The following PRDM16 variants were observed in gnomAD, a reference collection of about 807,000 sequenced individuals.
PRDM16 encodes the protein PR/SET domain 16, also known as histone-lysine N-methyltransferase PRDM16.
PRDM16 carries 23 observed loss-of-function variants against 110.6 expected under a neutral mutation model. That is an observed-to-expected ratio of 0.21 (90% CI 0.15 to 0.29). The LOEUF (loss-of-function observed/expected upper bound fraction) is 0.29, where lower values mean the gene tolerates loss of function less well. PRDM16 is among the 10% of genes least tolerant of loss of function. The pLI, the probability that PRDM16 is intolerant of heterozygous loss-of-function variation, is 1.00. For synonymous variants in PRDM16, 799 were observed against 781.8 expected (o/e 1.02, Z -0.37); for missense variants, 1,615 against 1,794.3 (o/e 0.90, Z 1.81).
chr1:3,158,992 G>A (rs1272259356), intron 1 of PRDM16, among the ~76,000 whole-genome samples: 1 of 152,116 alleles, frequency 6.6e-6, no homozygotes, highest in African/African-American at 2.4e-5. Flanking sequence ...GGCTGGTCTC[G>A]AACTCCTGAC....
intron 3 of PRDM16, among the ~76,000 whole-genome samples, chr1:3,315,554 C>T (rs764127418): frequency 1.4e-4 from 21 of 152,182 alleles, no homozygotes; most frequent in Non-Finnish European, 2.8e-4. Flanking sequence ...TGAGAGGAAA[C>T]ACTTGACAAG....
chr1:3,341,567 G>A (rs773727469), intron 3 of PRDM16, among the ~76,000 whole-genome samples: 17 of 152,214 alleles, frequency 1.1e-4, no homozygotes, highest in African/African-American at 2.2e-4. Flanking sequence ...ACACACACAC[G>A]CGTGCGCACA....
intron 1 of PRDM16, among the ~76,000 whole-genome samples, chr1:3,142,950 G>A (rs921843929): frequency 6.6e-6 from 1 of 152,232 alleles, no homozygotes; most frequent in African/African-American, 2.4e-5. Flanking sequence ...GGGCACCCAG[G>A]TGCGATGCTG....
intron 1 of PRDM16, among the ~76,000 whole-genome samples, chr1:3,121,732 C>T (rs771013026): frequency 1.6e-4 from 24 of 152,350 alleles, no homozygotes; most frequent in Non-Finnish European, 3.4e-4. Flanking sequence ...TGGGGGACAG[C>T]GGCCCTCCAC....
chr1:3,116,188 G>C (rs890219805), intron 1 of PRDM16, among the ~76,000 whole-genome samples: 3 of 152,178 alleles, frequency 2.0e-5, no homozygotes, highest in Non-Finnish European at 4.4e-5. Context: ...GTTCCTTACC[G>C]GGGAGAACAG....
intron 3 of PRDM16, among the ~76,000 whole-genome samples, chr1:3,329,837 C>A (rs1186683990): frequency 6.6e-6 from 1 of 152,250 alleles, no homozygotes; most frequent in African/African-American, 2.4e-5. Context: ...CTGTGTTCTC[C>A]GGCCTCCCAT....
At chr1:3,260,424 A>G (rs1640133273) in intron 3 of PRDM16, among the ~76,000 whole-genome samples, 1 of 152,200 alleles carries the variant, frequency 6.6e-6, no homozygotes, top group Non-Finnish European at 1.5e-5. Context: ...AAACTCCTTT[A>G]TCCTACTGAC....
Position 3,431,878 on chromosome 1 carries a change from G to A in PRDM16, c.3522-88G>A, listed in dbSNP as rs535886377. On this transcript the variant is annotated intron_variant, in intron 15 of 16. Transcript: ENST00000270722. ...GCAGAGATGCAGCGGCGTGCATGCAGGCCCGGAGCTGGGCTTGCAGCATCA... is the reference window on the plus strand; with the variant it reads ...GCAGAGATGCAGCGGCGTGCATGCAAGCCCGGAGCTGGGCTTGCAGCATCA... 3.6e-4 allele frequency: 487 copies of A among 1,362,206 alleles called. 7 individuals carry two copies. In the South Asian group the frequency reaches 5.8e-3, roughly 16 times the overall value. The allele number at this position is 1,362,206 out of a possible 1,614,324, so 84.4% of individuals were successfully genotyped here.
At position 3,186,060 on chromosome 1, in the gene PRDM16, C is replaced by T. The variant is rs926544554; in HGVS notation, c.38-65C>T. The stretch of plus-strand genomic sequence containing the variant: ...CATTGATGCCCGAGTCCCCGGCGCT[C>T]CCTGAGCTGTACACACTGGGTGGGG... On this transcript the variant is annotated intron_variant, in intron 1 of 16. Coordinates refer to ENST00000270722, the MANE Select transcript of PRDM16 (RefSeq NM_022114.4). The T allele has an allele frequency of 6.9e-5, 97 of 1,401,738 alleles. 1 individual carries two copies. Among genetic ancestry groups the T allele is most frequent in the Non-Finnish European group, 9.5e-5 (94 of 989,954 alleles). The allele number at this position is 1,401,738 out of a possible 1,614,324, so 86.8% of individuals were successfully genotyped here.
rs1638867271 is a variant in PRDM16 at position 3,434,961 on chromosome 1, ACCTGTG to A, written c.*1155_*1160del. On this transcript the variant is annotated 3_prime_UTR_variant, in exon 17 of 17. Coordinates refer to ENST00000270722, the MANE Select transcript of PRDM16 (RefSeq NM_022114.4). ...GGATCGCTCCGGGCCACCAAGCCGC[ACCTGTG>A]CCTGAGACTCCGGATGGACGACACA... The A allele has an allele frequency of 4.4e-6, 1 of 229,208 alleles. No homozygotes were observed. Among genetic ancestry groups the A allele is most frequent in the Non-Finnish European group, 8.6e-6 (1 of 115,676 alleles). 14.2% of individuals were successfully genotyped at this position (229,208 alleles called of 1,614,324 possible). A position where few individuals can be genotyped will look rare whatever the true frequency, so the allele number is the denominator to read the frequency against.
intron 1 of PRDM16, among the ~76,000 whole-genome samples, chr1:3,152,427 T>G (rs955085080): frequency 4.6e-5 from 7 of 151,640 alleles, no homozygotes; most frequent in Non-Finnish European, 1.0e-4. Context: ...CATCCATCCA[T>G]GGAGATATAC....
At chr1:3,414,270 G>A (rs549991272) in intron 9 of PRDM16, among the ~76,000 whole-genome samples, 20 of 152,284 alleles carry the variant, frequency 1.3e-4, no homozygotes, top group African/African-American at 4.1e-4. Context: ...GAAGGCCCTC[G>A]AGGGGACCTT....
chr1:3,274,673 G>C (rs1200959616), intron 3 of PRDM16, among the ~76,000 whole-genome samples: 1 of 152,236 alleles, frequency 6.6e-6, no homozygotes, highest in Non-Finnish European at 1.5e-5. Context: ...GGCCTTGTCT[G>C]CGAGCTGCGT....
chr1:3,124,720 G>A (rs1569620187), intron 1 of PRDM16, among the ~76,000 whole-genome samples: 1 of 152,214 alleles, frequency 6.6e-6, no homozygotes, highest in East Asian at 1.9e-4. Flanking sequence ...TCAGCCTGGT[G>A]ACAGCCCCTC....
chr1:3,273,060 G>A (rs1327099578), intron 3 of PRDM16, among the ~76,000 whole-genome samples: 1 of 152,242 alleles, frequency 6.6e-6, no homozygotes, highest in East Asian at 1.9e-4. Context: ...GGGAGAGGAT[G>A]TGCGTTCAGA....
At chr1:3,187,128 C>T (rs1644278410) in intron 2 of PRDM16, among the ~76,000 whole-genome samples, 1 of 152,230 alleles carries the variant, frequency 6.6e-6, no homozygotes, top group Non-Finnish European at 1.5e-5. Flanking sequence ...GAGAGGGAAG[C>T]ACCCGGAGTG....
chr1:3,089,389 T>C (rs1642222482), intron 1 of PRDM16, among the ~76,000 whole-genome samples: 1 of 152,198 alleles, frequency 6.6e-6, no homozygotes, highest in African/African-American at 2.4e-5. Context: ...CATAGCTGCC[T>C]CCACCTGGCT....
intron 3 of PRDM16, among the ~76,000 whole-genome samples, chr1:3,321,892 TTG>T (rs1283842479): frequency 2.6e-5 from 4 of 151,594 alleles, no homozygotes; most frequent in African/African-American, 4.9e-5. Context: ...ATATATGTGT[TTG>T]TGTTTGTAGG....
chr1:3,082,992 AG>A (rs982717134), intron 1 of PRDM16, among the ~76,000 whole-genome samples: 2 of 152,094 alleles, frequency 1.3e-5, no homozygotes, highest in African/African-American at 2.4e-5. Context: ...CTGGAGATCG[AG>A]CCCCCCTGCT....
Sources: allele counts gnomAD v4.1 joint callset (sites outside exome capture counted in the v4.1 genomes callset), GRCh38; gene constraint gnomAD v4.1.1; transcripts MANE v1.5; gene names NCBI Gene and HGNC (gene_info 2026-07-23, HGNC 2026-07-21).